OTOL1: variants seen among roughly 807,000 people sequenced by gnomAD.
The protein encoded by OTOL1 is otolin 1.
OTOL1 carries 31 observed loss-of-function variants against 25.0 expected under a neutral mutation model. The ratio of observed to expected loss-of-function variants is 1.24; its 90% CI spans 0.93 to 1.67. OTOL1 has a LOEUF of 1.67. Among genes scored for constraint, OTOL1 ranks in the 40% most tolerant of loss-of-function variants. OTOL1 has a pLI of 0.00. For missense variants in OTOL1, 654 were observed against 587.7 expected (o/e 1.11, Z -1.17); for synonymous variants, 225 against 210.3 (o/e 1.07, Z -0.61).
chr3:161,503,396 AGAG>A lies in OTOL1; in HGVS notation c.889_891del (p.Glu297del), dbSNP rs751767821. On this transcript the variant is annotated inframe_deletion, in exon 4 of 4. Transcript: ENST00000327928. ...ATCCAGGGATTAAAGGAGAAAAAGGAGAGTTAGGTCCTCCTGGTCTCCTGGGAC... is the reference window on the plus strand; with the variant it reads ...ATCCAGGGATTAAAGGAGAAAAAGGATTAGGTCCTCCTGGTCTCCTGGGAC... 3.1e-6 allele frequency: 5 copies of A among 1,609,946 alleles called. No homozygotes were observed. In the South Asian group the frequency reaches 3.3e-5, roughly 11 times the overall value.
intron 1 of OTOL1, 51 bp downstream of exon 1, chr3:161,497,222 T>C (rs1718856158): frequency 1.3e-6 from 2 of 1,547,186 alleles, no homozygotes; most frequent in Admixed American, 2.0e-5. Context: ...TTGGTAGAGT[T>C]GAGAGGTAGG....
At chr3:161,502,113 C>T (rs1718987901) in intron 2 of OTOL1, among the ~76,000 whole-genome samples, 194 bp from the exon 3 acceptor site, 1 of 152,194 alleles carries the variant, frequency 6.6e-6, no homozygotes, top group Admixed American at 6.5e-5. Flanking sequence ...GGTGATCCAC[C>T]CGCCTCGGCC....
At chr3:161,502,954 G>A in intron 3 of OTOL1, 72 bp from the exon 4 acceptor site, 1 of 1,170,474 alleles carries the variant, frequency 8.5e-7, no homozygotes, top group Non-Finnish European at 1.1e-6. Context: ...CTACTTTTTT[G>A]AGCTCTGTGG....
In OTOL1 at chr3:161,497,190, A is replaced by G; in HGVS notation, c.364+19A>G. On this transcript the variant is annotated intron_variant, in intron 1 of 3. Transcript: ENST00000327928. ...CAGCCAGGTATTAGAAAATATAAGA[A>G]GTCATGTTTCTCACTTGTACATTGG... is the stretch of plus-strand genomic sequence containing the variant. 6.3e-7 allele frequency: 1 copy of G among 1,590,528 alleles called. No individual in the cohort carries two copies. Among genetic ancestry groups the G allele is most frequent in the Non-Finnish European group, 8.5e-7 (1 of 1,169,694 alleles).
In OTOL1 at chr3:161,497,009, C is replaced by G; in HGVS notation, c.202C>G (p.Pro68Ala). Residue 68 changes from proline (P) to alanine (A), a missense_variant, in exon 1 of 4, where the codon CCA becomes GCA. Physicochemically the swap from Pro to Ala is conservative, Grantham distance 27 (BLOSUM62 -1). Coordinates refer to ENST00000327928, the MANE Select transcript of OTOL1 (RefSeq NM_001080440.1). ...LFTEMAEMAE[P>A]ITKPSALDSV... ...CACAGAAATGGCTGAAATGGCAGAA[C>G]CAATTACCAAACCCTCGGCCTTGGA... 6.2e-7 allele frequency: 1 copy of G among 1,613,634 alleles called. No homozygotes were observed. The highest frequency in any genetic ancestry group is 8.5e-7 in the Non-Finnish European group (1 of 1,179,660).
chr3:161,499,033 TGG>T, intron 1 of OTOL1, 136 bp from the exon 2 acceptor site: 2 of 705,712 alleles, frequency 2.8e-6, no homozygotes, highest in Non-Finnish European at 4.9e-6. Context: ...GGACTCTGTG[TGG>T]TTTATTCTTA....
rs757094491 is a variant in OTOL1 at position 161,496,928 on chromosome 3, C to T, written c.121C>T (p.Pro41Ser). 1 of 1,613,404 alleles carries T rather than the reference C, an allele frequency of 6.2e-7. No individual in the cohort carries two copies. The stretch of plus-strand genomic sequence containing the variant: ...GAAGAAATCTGAGGAAAGAGAGATG[C>T]CAAAGGGTCTAAAGCCATCCAGTGG... The part of the protein sequence containing the change: ...FTKKSEEREM[P>S]KGLKPSSGPP... The change falls in exon 1 of 4, where the codon CCA becomes TCA. Residue 41 changes from proline to serine, a missense_variant. Coordinates refer to ENST00000327928, the MANE Select transcript of OTOL1 (RefSeq NM_001080440.1).
intron 3 of OTOL1, among the ~76,000 whole-genome samples, 177 bp from the exon 4 acceptor site, chr3:161,502,849 A>G (rs754841689): frequency 6.6e-6 from 1 of 152,210 alleles, no homozygotes; most frequent in Non-Finnish European, 1.5e-5. Flanking sequence ...TTCTAAGAGC[A>G]TGGCATAATA....
chr3:161,502,457 G>A (rs1576947026), intron 3 of OTOL1, 88 bp downstream of exon 3: 10 of 1,106,300 alleles, frequency 9.0e-6, no homozygotes, highest in Admixed American at 2.1e-5. Context: ...AATTATCAGA[G>A]AGGTAAGCTG....
Position 161,503,340 on chromosome 3 carries a change from G to A in OTOL1, c.832G>A (p.Gly278Ser), listed in dbSNP as rs996665806. 7.6e-6 allele frequency: 12 copies of A among 1,580,286 alleles called. No homozygotes were observed. In the East Asian group the frequency reaches 1.4e-4, roughly 18 times the overall value. The change falls in exon 4 of 4, where the codon GGC (glycine) becomes AGC (serine). Residue 278 changes from glycine (G) to serine (S), a missense_variant. Coordinates refer to ENST00000327928, the MANE Select transcript of OTOL1 (RefSeq NM_001080440.1). Reference protein sequence around the residue: ...KGDSGMEGKSGRNGLPGAKGD... With the variant: ...KGDSGMEGKSSRNGLPGAKGD... Reference sequence around the variant, plus strand: ...AGACAGTGGAATGGAAGGCAAAAGCGGCCGTAATGGTCTGCCTGGGGCCAA... The same window carrying A: ...AGACAGTGGAATGGAAGGCAAAAGCAGCCGTAATGGTCTGCCTGGGGCCAA...
chr3:161,502,214 G>C (rs1384723241), intron 2 of OTOL1, 93 bp from the exon 3 acceptor site: 1 of 1,232,632 alleles, frequency 8.1e-7, no homozygotes. Context: ...TTTGGTTAAA[G>C]AAAACACTAG....
intron 3 of OTOL1, among the ~76,000 whole-genome samples, chr3:161,502,670 G>A (rs1719003914): frequency 1.3e-5 from 2 of 151,986 alleles, no homozygotes. Context: ...GACAATATGG[G>A]GATTTAGGGG....
At position 161,503,802 on chromosome 3, in the gene OTOL1, A is replaced by T. The variant is rs755550489; in HGVS notation, c.1294A>T (p.Ile432Phe). The T allele has an allele frequency of 1.9e-6, 3 of 1,613,976 alleles. No homozygotes were observed. In the East Asian group the frequency reaches 6.7e-5, roughly 36 times the overall value. Residue 432 changes from isoleucine to phenylalanine, a missense_variant, in exon 4 of 4, where the codon ATC becomes TTC. By Grantham distance (21) the Ile-to-Phe change is conservative (BLOSUM62 0). Transcript: ENST00000327928. ...AATAGACCAGGCCTCTCTCCTCGTC[A>T]TCTTGAAATTAAGTGCAGGAGACCA... ...QEIDQASLLV[I>F]LKLSAGDQVW...
rs1327262728 is a variant in OTOL1 at position 161,497,106 on chromosome 3, A to G, written c.299A>G (p.Asn100Ser). 1.2e-6 allele frequency: 2 copies of G among 1,613,552 alleles called. No individual in the cohort carries two copies. Among genetic ancestry groups the G allele is most frequent in the Admixed American group, 3.3e-5 (2 of 59,968 alleles). ...CTTGACCCAGCTGATTTCTTTTTGA[A>G]TTGTTGTGATTGTTGTTCACCTGTA... Reference protein sequence around the residue: ...FTLDPADFFLNCCDCCSPVPG... With the variant: ...FTLDPADFFLSCCDCCSPVPG... Residue 100 changes from asparagine (N) to serine (S), a missense_variant, in exon 1 of 4, where the codon AAT (asparagine) becomes AGT (serine). Physicochemically the swap from Asn to Ser is conservative, Grantham distance 46 (BLOSUM62 1). Transcript: ENST00000327928.
chr3:161,499,338 T>A, intron 2 of OTOL1, 78 bp downstream of exon 2: 2 of 1,070,796 alleles, frequency 1.9e-6, no homozygotes, highest in Non-Finnish European at 2.7e-6. Flanking sequence ...ACTTAAAGAC[T>A]AGATTCTTGC....
Sources: gnomAD v4.1 joint callset for allele counts (sites outside exome capture counted in the v4.1 genomes callset) on GRCh38, gnomAD v4.1.1 for gene constraint, MANE v1.5 for transcripts, NCBI Gene and HGNC (gene_info 2026-07-23, HGNC 2026-07-21) for gene names.